Variants in BMP7 observed in about 807,000 individuals in gnomAD.
The protein encoded by BMP7 is bone morphogenetic protein 7, also known as osteogenic protein 1.
Under a neutral mutation model 41.2 loss-of-function variants are expected in BMP7, and 12 were observed. The ratio of observed to expected loss-of-function variants is 0.29; its 90% CI spans 0.19 to 0.47. BMP7 has a LOEUF of 0.47. Among genes scored for constraint, BMP7 ranks in the 20% least tolerant of loss-of-function variants. The probability of loss-of-function intolerance (pLI) is 0.99; values close to 1 mark genes in which losing one functional copy is unlikely to be tolerated. For missense variants in BMP7, 467 were observed against 606.0 expected (o/e 0.77, Z 2.41); for synonymous variants, 248 against 250.0 (o/e 0.99, Z 0.07).
intron 3 of BMP7, among the ~76,000 whole-genome samples, chr20:57,200,142 T>A (rs1458238177): frequency 6.6e-6 from 1 of 152,194 alleles, no homozygotes; most frequent in Non-Finnish European, 1.5e-5. Flanking sequence ...CAAGAGACAG[T>A]GGTGCTTCGT....
chr20:57,265,057 GAAAAA>G (rs35408577), intron 1 of BMP7, among the ~76,000 whole-genome samples: 1 of 127,950 alleles, frequency 7.8e-6, no homozygotes, highest in South Asian at 2.2e-4. Context: ...GAAAAGAAAA[GAAAAA>G]AAAAGAAAAA....
At chr20:57,218,513 T>C (rs890087416) in intron 2 of BMP7, among the ~76,000 whole-genome samples, 3 of 150,634 alleles carry the variant, frequency 2.0e-5, no homozygotes, top group East Asian at 3.9e-4. Context: ...TGCTGGTAGC[T>C]GGTGTTCGGA....
chr20:57,187,554 CCTCT>C (rs140073062), intron 3 of BMP7, among the ~76,000 whole-genome samples: 42 of 144,102 alleles, frequency 2.9e-4, no homozygotes, highest in East Asian at 8.3e-4. Flanking sequence ...GGAAGCCTGC[CCTCT>C]CTCTCTCTCT....
intron 3 of BMP7, among the ~76,000 whole-genome samples, chr20:57,198,909 T>C (rs1260581734): frequency 2.0e-5 from 3 of 151,938 alleles, no homozygotes; most frequent in African/African-American, 7.3e-5. Flanking sequence ...CCCCAGGAGG[T>C]GTCCGGGCTC....
At chr20:57,221,838 G>T (rs1985197354) in intron 2 of BMP7, among the ~76,000 whole-genome samples, 1 of 151,494 alleles carries the variant, frequency 6.6e-6, no homozygotes, top group African/African-American at 2.4e-5. Context: ...AAAAAAAGAG[G>T]GGTGGGCAGG....
At chr20:57,216,083 A>G (rs1985010170) in intron 2 of BMP7, among the ~76,000 whole-genome samples, 1 of 152,156 alleles carries the variant, frequency 6.6e-6, no homozygotes. Flanking sequence ...CATCTAGAGA[A>G]GGCCAGAGCG....
At chr20:57,191,806 G>GTA (rs1013079292) in intron 3 of BMP7, among the ~76,000 whole-genome samples, 4 of 138,636 alleles carry the variant, frequency 2.9e-5, no homozygotes, top group Non-Finnish European at 4.6e-5. Context: ...TTATATTATA[G>GTA]TATATATATG....
At chr20:57,242,783 A>G (rs940844216) in intron 1 of BMP7, among the ~76,000 whole-genome samples, 6 of 152,136 alleles carry the variant, frequency 3.9e-5, no homozygotes, top group African/African-American at 1.4e-4. Flanking sequence ...TGGGTGGATC[A>G]CTTGAGGTCA....
At chr20:57,176,620 C>T (rs1276795112) in intron 4 of BMP7, among the ~76,000 whole-genome samples, 3 of 152,104 alleles carry the variant, frequency 2.0e-5, no homozygotes, top group African/African-American at 7.2e-5. Flanking sequence ...TCTTGGACTC[C>T]TGGTTTGCAA....
At chr20:57,218,110 C>T (rs77238758) in intron 2 of BMP7, among the ~76,000 whole-genome samples, 3,889 of 152,374 alleles carry the variant, frequency 0.026, 59 homozygotes, top group Non-Finnish European at 0.027. Context: ...GCCCGACACA[C>T]AGAAGTACGC....
intron 5 of BMP7, 71 bp from the exon 6 acceptor site, chr20:57,173,381 G>T: frequency 6.9e-7 from 1 of 1,452,478 alleles, no homozygotes. Context: ...CCCCATGCTG[G>T]CCAGAAACCA....
intron 2 of BMP7, among the ~76,000 whole-genome samples, chr20:57,209,257 A>T (rs902748080): frequency 5.2e-4 from 57 of 109,290 alleles, no homozygotes; most frequent in South Asian, 1.0e-3. Context: ...TTTTATATAT[A>T]TATATATATA....
At chr20:57,251,794 C>A (rs1435820366) in intron 1 of BMP7, among the ~76,000 whole-genome samples, 1 of 152,102 alleles carries the variant, frequency 6.6e-6, no homozygotes, top group Non-Finnish European at 1.5e-5. Context: ...ATTATCTGGG[C>A]GTGGTGATGC....
At chr20:57,198,227 C>G (rs1182871814) in intron 3 of BMP7, among the ~76,000 whole-genome samples, 2 of 150,348 alleles carry the variant, frequency 1.3e-5, no homozygotes, top group Admixed American at 1.3e-4. Context: ...CCTCTCCCCT[C>G]CTCTCCTCTC....
At chr20:57,187,096 G>A (rs1984229819) in intron 3 of BMP7, 1 of 152,228 alleles carries the variant, frequency 6.6e-6, no homozygotes, top group Admixed American at 6.5e-5. Flanking sequence ...TCTGAGTGAA[G>A]GTGTCTGGCT....
rs182621095 is a variant in BMP7, at chr20:57,182,499, A to T, written c.958+1223T>A. On this transcript the variant is annotated intron_variant, in intron 4 of 6. Coordinates refer to ENST00000395863, the MANE Select transcript of BMP7 (RefSeq NM_001719.3). ...CTGGTGAATTGTCAGAAAGCACCCA[A>T]TGGGATTGCTGGGGACACCGAAGCT... 4.2e-4 allele frequency among the ~76,000 whole-genome samples: 64 copies of T among 152,332 alleles called. No homozygotes were observed. In the South Asian group the frequency reaches 0.013, roughly 31 times the overall value.
chr20:57,182,633 A>G (rs1479620217), intron 4 of BMP7, among the ~76,000 whole-genome samples: 2 of 152,184 alleles, frequency 1.3e-5, no homozygotes, highest in Non-Finnish European at 2.9e-5. Context: ...AGTTACCTAC[A>G]CTGTGCCCTT....
chr20:57,265,753 T>G lies in BMP7; in HGVS notation c.370A>C (p.Ser124Arg). Residue 124 changes from serine to arginine, a missense_variant, in exon 1 of 7, where the codon AGC becomes CGC. By Grantham distance (110) the Ser-to-Arg change is moderately radical (BLOSUM62 -1). Around this residue, in one of 2 missense-constraint regions of BMP7, gnomAD observed 407 missense variants for 485.9 expected, o/e 0.84. Coordinates refer to ENST00000395863, the MANE Select transcript of BMP7 (RefSeq NM_001719.3). ...QGPPLASLQDSHFLTDADMVM... is the reference protein window; with the variant it reads ...QGPPLASLQDRHFLTDADMVM... The stretch of plus-strand genomic sequence containing the variant: ...ATGTCGGCGTCGGTGAGGAAATGGC[T>G]ATCTTGCAGGCTGGCCAGAGGGGGG... The G allele has an allele frequency of 6.2e-7, 1 of 1,611,082 alleles. No homozygotes were observed. Among genetic ancestry groups the G allele is most frequent in the African/African-American group, 1.3e-5 (1 of 75,020 alleles).
At chr20:57,216,573 G>C (rs1473220071) in intron 2 of BMP7, among the ~76,000 whole-genome samples, 2 of 145,292 alleles carry the variant, frequency 1.4e-5, no homozygotes, top group African/African-American at 2.7e-5. Context: ...CTGAGGGTGA[G>C]GGGCTGTCTC....
Sources: gnomAD v4.1 joint callset for allele counts (sites outside exome capture counted in the v4.1 genomes callset) on GRCh38, gnomAD v4.1.1 for gene constraint, gnomAD v4.1.1 regional missense constraint, MANE v1.5 for transcripts, NCBI Gene and HGNC (gene_info 2026-07-23, HGNC 2026-07-21) for gene names.